ZMAT4: variants seen among roughly 807,000 people sequenced by gnomAD.
ZMAT4 encodes zinc finger matrin-type 4.
Under a neutral mutation model 28.7 loss-of-function variants are expected in ZMAT4, and 17 were observed. The observed-to-expected ratio is 0.59, with a 90% CI of 0.41 to 0.89. The LOEUF is 0.89. ZMAT4 is among the 40% of genes least tolerant of loss of function. The pLI, the probability that ZMAT4 is intolerant of heterozygous loss-of-function variation, is 0.00. For synonymous variants in ZMAT4, 117 were observed against 109.2 expected (o/e 1.07, Z -0.44); for missense variants, 240 against 283.8 (o/e 0.85, Z 1.11).
intron 6 of ZMAT4, among the ~76,000 whole-genome samples, chr8:40,569,159 AGCTC>A (rs1804014899): frequency 6.6e-6 from 1 of 152,200 alleles, no homozygotes; most frequent in Non-Finnish European, 1.5e-5. Flanking sequence ...AGCCAAAATG[AGCTC>A]TTATCCTCCA....
intron 1 of ZMAT4, among the ~76,000 whole-genome samples, chr8:40,850,064 T>A (rs549685286): frequency 4.6e-5 from 7 of 152,254 alleles, no homozygotes; most frequent in South Asian, 2.1e-4. Context: ...TCTGACAGTA[T>A]GTTACCGTCC....
chr8:40,537,129 T>G (rs760760916), intron 6 of ZMAT4, among the ~76,000 whole-genome samples: 2 of 151,990 alleles, frequency 1.3e-5, no homozygotes, highest in Non-Finnish European at 2.9e-5. Context: ...AGCACTCAAA[T>G]GTACAGGGGA....
chr8:40,597,717 C>T (rs1389786495), intron 5 of ZMAT4, among the ~76,000 whole-genome samples: 1 of 152,228 alleles, frequency 6.6e-6, no homozygotes, highest in East Asian at 1.9e-4. Flanking sequence ...CAGAGGAGTG[C>T]TTGATACATA....
At position 40,837,593 on chromosome 8, in the gene ZMAT4, T is replaced by C. The variant is rs148262814; in HGVS notation, c.-4-11913A>G. Among the ~76,000 whole-genome samples, 33 of 152,276 alleles carry C rather than the reference T, an allele frequency of 2.2e-4. No individual in the cohort carries two copies. The East Asian group carries it at 6.2e-3, about 29-fold the overall frequency. On this transcript the variant is annotated intron_variant, in intron 1 of 6. Transcript: ENST00000297737. ...GGAGCATTGGAAAAAGCCAGAGATA[T>C]TCAAGGGTCTGAGAGTCCAGAGACC...
chr8:40,800,451 A>T (rs1814789370), intron 2 of ZMAT4, among the ~76,000 whole-genome samples: 1 of 152,178 alleles, frequency 6.6e-6, no homozygotes, highest in Non-Finnish European at 1.5e-5. Flanking sequence ...TCTCAAACTT[A>T]TTTAGGACAT....
At chr8:40,829,463 T>C (rs945365547) in intron 1 of ZMAT4, among the ~76,000 whole-genome samples, 3 of 152,164 alleles carry the variant, frequency 2.0e-5, no homozygotes, top group African/African-American at 7.2e-5. Flanking sequence ...TACAGATCCA[T>C]GTGTATAGCA....
chr8:40,750,758 G>A (rs546699961), intron 3 of ZMAT4, among the ~76,000 whole-genome samples: 2 of 152,320 alleles, frequency 1.3e-5, no homozygotes, highest in African/African-American at 2.4e-5. Context: ...CACCCAGGTG[G>A]GCCATCAGAC....
chr8:40,770,708 T>C (rs1038886986), intron 2 of ZMAT4, among the ~76,000 whole-genome samples: 2 of 152,038 alleles, frequency 1.3e-5, no homozygotes, highest in African/African-American at 2.4e-5. Flanking sequence ...CCACCACGCC[T>C]GGCTAGTTTT....
At chr8:40,667,257 G>C (rs755450109) in intron 5 of ZMAT4, among the ~76,000 whole-genome samples, 2 of 151,824 alleles carry the variant, frequency 1.3e-5, no homozygotes, top group African/African-American at 2.4e-5. Flanking sequence ...CCAGGTTCAC[G>C]CCATTCTCCT....
chr8:40,605,651 G>A (rs951610528), intron 5 of ZMAT4, among the ~76,000 whole-genome samples: 2 of 152,280 alleles, frequency 1.3e-5, no homozygotes, highest in Admixed American at 1.3e-4. Flanking sequence ...TTGTTGGGTA[G>A]AATGTTCTGT....
At chr8:40,565,018 A>T (rs1159975643) in intron 6 of ZMAT4, among the ~76,000 whole-genome samples, 2 of 152,174 alleles carry the variant, frequency 1.3e-5, no homozygotes, top group Non-Finnish European at 2.9e-5. Flanking sequence ...ATTTGCTACC[A>T]ATTCCTTAAA....
At chr8:40,704,528 T>A (rs910590786) in intron 3 of ZMAT4, among the ~76,000 whole-genome samples, 4 of 152,264 alleles carry the variant, frequency 2.6e-5, no homozygotes, top group African/African-American at 9.6e-5. Flanking sequence ...GATTTGGTCC[T>A]GCCCTTTAAT....
intron 2 of ZMAT4, among the ~76,000 whole-genome samples, chr8:40,787,181 G>A (rs568281830): frequency 1.5e-3 from 228 of 152,276 alleles, no homozygotes; most frequent in Non-Finnish European, 2.2e-3. Flanking sequence ...TAGAAAAGAA[G>A]AAAGATCTGA....
At chr8:40,875,172 G>A (rs954115898) in intron 1 of ZMAT4, among the ~76,000 whole-genome samples, 2 of 152,178 alleles carry the variant, frequency 1.3e-5, no homozygotes, top group Non-Finnish European at 2.9e-5. Flanking sequence ...GCTCTCCCTG[G>A]TGGATCTCTG....
chr8:40,640,769 A>G (rs2599655), intron 5 of ZMAT4, among the ~76,000 whole-genome samples: 85,233 of 151,676 alleles, frequency 0.56, 24,689 homozygotes, highest in East Asian at 0.69. Flanking sequence ...AGAGCAGCCT[A>G]GCCAACATGG....
At chr8:40,834,759 TCTC>T (rs1195981331) in intron 1 of ZMAT4, among the ~76,000 whole-genome samples, 1 of 152,146 alleles carries the variant, frequency 6.6e-6, no homozygotes, top group East Asian at 1.9e-4. Context: ...TTCTGGAACA[TCTC>T]CTTACCCTGT....
chr8:40,615,608 G>A (rs1328858303), intron 5 of ZMAT4, among the ~76,000 whole-genome samples: 3 of 152,142 alleles, frequency 2.0e-5, no homozygotes, highest in Admixed American at 1.3e-4. Flanking sequence ...CATATTTCCT[G>A]GAGGCTTTCT....
chr8:40,575,316 C>A (rs1758009114), intron 6 of ZMAT4, among the ~76,000 whole-genome samples: 1 of 152,134 alleles, frequency 6.6e-6, no homozygotes, highest in Non-Finnish European at 1.5e-5. Context: ...TGGACCCACC[C>A]CAAGAAGATA....
At position 40,825,809 on chromosome 8, in the gene ZMAT4, A is replaced by G. The variant is rs978592977; in HGVS notation, c.-4-129T>C. On this transcript the variant is annotated intron_variant, in intron 1 of 6. Coordinates refer to ENST00000297737, the MANE Select transcript of ZMAT4 (RefSeq NM_024645.3). ...TGGTGACAGAGGGGTGGATCTCCCT[A>G]CACTCTTGACGTTATCATATCGATT... The G allele has an allele frequency of 1.1e-4, 72 of 659,982 alleles. No homozygotes were observed. The African/African-American group carries it at 1.2e-3, about 11-fold the overall frequency. The allele number at this position is 659,982 out of a possible 1,614,324, so 40.9% of individuals were successfully genotyped here.
Sources: gnomAD v4.1 joint callset for allele counts (sites outside exome capture counted in the v4.1 genomes callset) on GRCh38, gnomAD v4.1.1 for gene constraint, MANE v1.5 for transcripts, NCBI Gene and HGNC (gene_info 2026-07-23, HGNC 2026-07-21) for gene names.